The following CFAP61 variants were observed in gnomAD, a reference collection of about 807,000 sequenced individuals.
CFAP61 encodes cilia- and flagella-associated protein 61.
A neutral mutation model predicts 135.6 loss-of-function variants in CFAP61; 107 were observed. The observed-to-expected ratio is 0.79, with a 90% CI of 0.67 to 0.93. The LOEUF (loss-of-function observed/expected upper bound fraction) is 0.93. Ranked by LOEUF, CFAP61 falls within the 40% of genes least tolerant of loss-of-function variation. The pLI is 0.00. For synonymous variants in CFAP61, 575 were observed against 578.5 expected, an observed-to-expected ratio of 0.99 and a Z score of 0.09; for missense variants, 1,507 against 1,556.2, an observed-to-expected ratio of 0.97 and a Z score of 0.53.
intron 18 of CFAP61, among the ~76,000 whole-genome samples, chr20:20,229,448 T>C (rs186461169): frequency 3.9e-5 from 6 of 152,208 alleles, no homozygotes; most frequent in Admixed American, 6.5e-5. Context: ...CATGAAAAAC[T>C]TTAGCTACCA....
intron 20 of CFAP61, among the ~76,000 whole-genome samples, chr20:20,260,086 A>C (rs1358849639): frequency 5.3e-5 from 8 of 152,198 alleles, no homozygotes; most frequent in Admixed American, 5.2e-4. Flanking sequence ...TCTCTTGACC[A>C]ACAGGAATGT....
intron 16 of CFAP61, among the ~76,000 whole-genome samples, chr20:20,197,338 A>T (rs962504055): frequency 1.3e-5 from 2 of 152,162 alleles, no homozygotes; most frequent in Non-Finnish European, 2.9e-5. Context: ...CGCGAATCTG[A>T]TGTGTATACA....
At chr20:20,059,326 CAAAA>C (rs11458923) in intron 2 of CFAP61, among the ~76,000 whole-genome samples, 6 of 45,482 alleles carry the variant, frequency 1.3e-4, no homozygotes, top group African/African-American at 5.0e-4. Context: ...GACTCTGTCT[CAAAA>C]AAAAAAAAAA....
rs1035980281 is a variant in CFAP61 at position 20,298,394 on chromosome 20, G to A, written c.3422+8G>A. The A allele has an allele frequency of 1.5e-5, 24 of 1,608,994 alleles. No individual in the cohort carries two copies. The highest frequency in any genetic ancestry group is 2.0e-5 in the Non-Finnish European group (24 of 1,175,576). On this transcript the variant is annotated splice_region_variant and intron_variant, in intron 25 of 26. Transcript: ENST00000245957. Reference sequence around the variant, plus strand: ...GATCACAGATCTCTATAGGTGAGTTGGACATTGCATTTGACTACAGGGAAA... The same window carrying A: ...GATCACAGATCTCTATAGGTGAGTTAGACATTGCATTTGACTACAGGGAAA...
intron 16 of CFAP61, among the ~76,000 whole-genome samples, chr20:20,199,069 A>G (rs1334055608): frequency 1.3e-5 from 2 of 152,240 alleles, no homozygotes; most frequent in Non-Finnish European, 2.9e-5. Context: ...TTAAAACTGG[A>G]TAAAATCAAT....
intron 19 of CFAP61, 55 bp downstream of exon 19, chr20:20,246,270 C>A: frequency 9.2e-7 from 1 of 1,090,092 alleles, no homozygotes; most frequent in Non-Finnish European, 1.4e-6. Context: ...ACTCTGTGTG[C>A]AGTCTATTTA....
chr20:20,262,898 C>T, intron 20 of CFAP61, 58 bp from the exon 21 acceptor site: 2 of 1,082,810 alleles, frequency 1.8e-6, no homozygotes, highest in Admixed American at 2.8e-5. Context: ...TTTTTTTTAA[C>T]CACTGTCACC....
intron 11 of CFAP61, among the ~76,000 whole-genome samples, chr20:20,165,878 A>G (rs2053791307): frequency 6.6e-6 from 1 of 152,136 alleles, no homozygotes; most frequent in Non-Finnish European, 1.5e-5. Flanking sequence ...GACATATAAA[A>G]CCTTGTAAAG....
chr20:20,085,223 A>G (rs771154458), intron 6 of CFAP61: 1 of 985,432 alleles, frequency 1.0e-6, no homozygotes, highest in Non-Finnish European at 1.2e-6. Context: ...TGACTTTGAC[A>G]GGCAGCGCTC....
rs80190486 is a variant in CFAP61 at position 20,337,296 on chromosome 20, G to A, written c.3423-4535G>A. On this transcript the variant is annotated intron_variant, in intron 25 of 26. Coordinates refer to ENST00000245957, the MANE Select transcript of CFAP61 (RefSeq NM_015585.4). ...TGGGTGGATGGATGGATGGATAGAT[G>A]GATGGATGGATGGATGGATGGATGG... Among the ~76,000 whole-genome samples the A allele has an allele frequency of 7.5e-3, 652 of 87,030 alleles. 159 individuals carry two copies. The highest frequency in any genetic ancestry group is 0.042 in the East Asian group (73 of 1,748). The allele number at this position is 87,030 out of a possible 152,430, so 57.1% of individuals were successfully genotyped here.
At chr20:20,264,568 C>A (rs2052548952) in intron 21 of CFAP61, among the ~76,000 whole-genome samples, 1 of 152,184 alleles carries the variant, frequency 6.6e-6, no homozygotes. Context: ...TATGTAGACT[C>A]AGAGTATTTT....
intron 2 of CFAP61, among the ~76,000 whole-genome samples, chr20:20,057,082 A>G (rs1246052822): frequency 6.8e-6 from 1 of 147,998 alleles, no homozygotes; most frequent in Non-Finnish European, 1.5e-5. Flanking sequence ...ACGCCACTGC[A>G]CTCCAGCCTG....
chr20:20,118,659 C>T (rs145520773), intron 8 of CFAP61, among the ~76,000 whole-genome samples: 39 of 152,156 alleles, frequency 2.6e-4, no homozygotes, highest in African/African-American at 8.4e-4. Flanking sequence ...TATGTTCCTT[C>T]TGTACTCATT....
chr20:20,168,118 G>A (rs2053965595), intron 12 of CFAP61, among the ~76,000 whole-genome samples: 2 of 152,158 alleles, frequency 1.3e-5, no homozygotes, highest in African/African-American at 2.4e-5. Context: ...GTCTCACTTT[G>A]TTGCATGCAA....
chr20:20,196,098 A>G (rs2146885100), intron 15 of CFAP61, among the ~76,000 whole-genome samples: 1 of 152,314 alleles, frequency 6.6e-6, no homozygotes, highest in South Asian at 2.1e-4. Context: ...AAAACAAAAC[A>G]AAGTGTGTAA....
At chr20:20,345,845 T>G (rs2058607277) in intron 26 of CFAP61, among the ~76,000 whole-genome samples, 1 of 142,466 alleles carries the variant, frequency 7.0e-6, no homozygotes, top group South Asian at 2.4e-4. Flanking sequence ...TCTCTTGAAC[T>G]CAGGAGGCAG....
At chr20:20,279,878 C>T (rs1332997299) in intron 22 of CFAP61, among the ~76,000 whole-genome samples, 1 of 152,058 alleles carries the variant, frequency 6.6e-6, no homozygotes, top group East Asian at 1.9e-4. Context: ...TAGTTTGTAC[C>T]TGTGGGAGAT....
chr20:20,236,573 G>C (rs1340965008), intron 18 of CFAP61, among the ~76,000 whole-genome samples: 1 of 152,128 alleles, frequency 6.6e-6, no homozygotes, highest in African/African-American at 2.4e-5. Context: ...CATATTCATA[G>C]TATTAACATG....
intron 25 of CFAP61, among the ~76,000 whole-genome samples, chr20:20,336,895 C>T (rs1021892098): frequency 6.6e-6 from 1 of 152,226 alleles, no homozygotes; most frequent in Non-Finnish European, 1.5e-5. Flanking sequence ...ACATTCTCCA[C>T]CCCCACCCAC....
Sources: allele counts gnomAD v4.1 joint callset (sites outside exome capture counted in the v4.1 genomes callset), GRCh38; gene constraint gnomAD v4.1.1; transcripts MANE v1.5; gene names NCBI Gene and HGNC (gene_info 2026-07-23, HGNC 2026-07-21).